FRMPD3: variants seen among roughly 807,000 people sequenced by gnomAD.
FRMPD3 encodes the protein FERM and PDZ domain containing 3.
A neutral mutation model predicts 97.9 loss-of-function variants in FRMPD3; 42 were observed. That is an observed-to-expected ratio of 0.43 (90% CI 0.34 to 0.55). FRMPD3 has a LOEUF of 0.55. Among genes scored for constraint, FRMPD3 ranks in the 20% least tolerant of loss-of-function variants. FRMPD3 has a pLI of 0.03. For synonymous variants in FRMPD3, 577 were observed against 581.1 expected (o/e 0.99, Z 0.10); for missense variants, 1,303 against 1,457.7 (o/e 0.89, Z 1.73).
At chrX:107,450,216 C>G (rs990281232) in intron 1 of FRMPD3, among the ~76,000 whole-genome samples, 1 of 111,180 alleles carries the variant, frequency 9.0e-6, no homozygotes, top group Middle Eastern at 4.7e-3. Flanking sequence ...CCCACTGCCC[C>G]GGCGAGTCTC....
rs1331765703 is a variant in FRMPD3, at chrX:107,600,488, C to T, written c.2449C>T (p.Arg817Trp). Residue 817 changes from arginine to tryptophan, a missense_variant, in exon 15 of 15, where the codon CGG becomes TGG. Coordinates refer to ENST00000683843, the MANE Select transcript of FRMPD3 (RefSeq NM_001388459.1). ...CCTTGCCCGCAAGGACCTGCCCTTCCGGATCCAGAGCTGTGCAGCCCAGGC... is the reference window on the plus strand; with the variant it reads ...CCTTGCCCGCAAGGACCTGCCCTTCTGGATCCAGAGCTGTGCAGCCCAGGC... ...SLLARKDLPF[R>W]IQSCAAQAVL... 7.4e-6 allele frequency: 9 copies of T among 1,208,845 alleles called. No homozygotes were observed. Among genetic ancestry groups the T allele is most frequent in the Admixed American group, 2.2e-5 (1 of 45,851 alleles).
At chrX:107,567,879 T>G (rs1922678128) in intron 12 of FRMPD3, among the ~76,000 whole-genome samples, 1 of 109,998 alleles carries the variant, frequency 9.1e-6, no homozygotes, top group Non-Finnish European at 1.9e-5. Flanking sequence ...AGTCCAGGAG[T>G]GAAGGGACAA....
intron 1 of FRMPD3, among the ~76,000 whole-genome samples, chrX:107,465,558 C>CA (rs1271905365): frequency 9.0e-6 from 1 of 111,635 alleles, no homozygotes; most frequent in East Asian, 2.8e-4. Context: ...ACAGCACACA[C>CA]AAAAAAAGTA....
At chrX:107,511,026 G>A (rs1373462259) in intron 1 of FRMPD3, among the ~76,000 whole-genome samples, 1 of 112,310 alleles carries the variant, frequency 8.9e-6, no homozygotes, top group Non-Finnish European at 1.9e-5. Flanking sequence ...TAGGCAAAGC[G>A]TTGAGATAGA....
At chrX:107,493,230 G>A (rs1025291024) in intron 1 of FRMPD3, among the ~76,000 whole-genome samples, 4 of 105,647 alleles carry the variant, frequency 3.8e-5, no homozygotes, top group African/African-American at 1.4e-4. Flanking sequence ...TTTAGAAATT[G>A]GGGAACTGAT....
intron 12 of FRMPD3, among the ~76,000 whole-genome samples, chrX:107,570,488 C>G (rs1922836990): frequency 9.0e-6 from 1 of 110,991 alleles, no homozygotes; most frequent in African/African-American, 3.3e-5. Flanking sequence ...TGCCCAGACT[C>G]TTCCTCCCAG....
intron 1 of FRMPD3, among the ~76,000 whole-genome samples, chrX:107,505,004 C>T (rs779599733): frequency 1.8e-5 from 2 of 112,378 alleles, no homozygotes; most frequent in African/African-American, 3.2e-5. Flanking sequence ...AACGGTATTT[C>T]ACAGAGCAGA....
intron 13 of FRMPD3, among the ~76,000 whole-genome samples, chrX:107,592,731 G>A (rs1923963416): frequency 1.0e-5 from 1 of 99,121 alleles, no homozygotes; most frequent in Non-Finnish European, 2.0e-5. Flanking sequence ...GTGTAAAAGT[G>A]TTCCTTTTCA....
At chrX:107,516,507 T>C (rs1922335321) in intron 1 of FRMPD3, among the ~76,000 whole-genome samples, 1 of 111,323 alleles carries the variant, frequency 9.0e-6, no homozygotes, top group Non-Finnish European at 1.9e-5. Flanking sequence ...GTAAAAGTGT[T>C]CCTATTTCTC....
At chrX:107,552,456 G>A (rs73249848) in intron 6 of FRMPD3, among the ~76,000 whole-genome samples, 11,551 of 111,956 alleles carry the variant, frequency 0.1, 695 homozygotes, top group Non-Finnish European at 0.16. Context: ...CTGGCACTTA[G>A]TAAGCATTTA....
rs748315274 is a variant in FRMPD3 at position 107,597,625 on chromosome X, A to C, written c.1746A>C (p.Ala582=). The change falls in exon 14 of 15, where the codon GCA becomes GCC. Residue 582 remains alanine (A), a synonymous_variant. Transcript: ENST00000683843. Reference sequence around the variant, plus strand: ...AGGTAGTCCCTGATGACTTTGATGCAGCTAGCCTAGACCACGAGCCTTGTG... The same window carrying C: ...AGGTAGTCCCTGATGACTTTGATGCCGCTAGCCTAGACCACGAGCCTTGTG... ...GYEVVPDDFD[A]ASLDHEPCAS... 5.8e-6 allele frequency: 7 copies of C among 1,209,152 alleles called. No individual in the cohort carries two copies. In the African/African-American group the frequency reaches 7.0e-5, roughly 12 times the overall value.
intron 13 of FRMPD3, 30 bp downstream of exon 13, chrX:107,576,489 G>T: frequency 3.3e-6 from 4 of 1,201,369 alleles, no homozygotes; most frequent in Non-Finnish European, 4.5e-6. Flanking sequence ...GGTTTTTGCT[G>T]TGCCAGAGGC....
chrX:107,570,415 T>C (rs768908581), intron 12 of FRMPD3, among the ~76,000 whole-genome samples: 1 of 109,155 alleles, frequency 9.2e-6, no homozygotes, highest in South Asian at 3.9e-4. Flanking sequence ...ATGGTTCATT[T>C]AAAGTAGTTC....
chrX:107,516,153 G>A (rs1370757900), intron 1 of FRMPD3, among the ~76,000 whole-genome samples: 2 of 107,672 alleles, frequency 1.9e-5, no homozygotes, highest in Admixed American at 1.0e-4. Context: ...GCGATAGTTT[G>A]CTGACAATGA....
intron 1 of FRMPD3, among the ~76,000 whole-genome samples, chrX:107,490,064 A>C (rs1432637141): frequency 8.9e-6 from 1 of 112,338 alleles, no homozygotes; most frequent in Non-Finnish European, 1.9e-5. Flanking sequence ...ATGGCCAGCC[A>C]GTTTTCCCAG....
At chrX:107,464,595 T>C (rs1931527146) in intron 1 of FRMPD3, among the ~76,000 whole-genome samples, 1 of 111,832 alleles carries the variant, frequency 8.9e-6, no homozygotes, top group Non-Finnish European at 1.9e-5. Flanking sequence ...TTTCCAGAAC[T>C]GAGCACAGTA....
chrX:107,554,483 T>C lies in FRMPD3; in HGVS notation c.741T>C (p.Ala247=), dbSNP rs770537970. 7.5e-6 allele frequency: 9 copies of C among 1,207,959 alleles called. No homozygotes were observed. In the African/African-American group the frequency reaches 1.0e-4, roughly 14 times the overall value. ...PVELLRRDPA[A]FEYLYIQSRN... is the part of the protein sequence containing the mutation. ...AGCTGCTGCGTCGGGATCCTGCTGCTTTTGAGTACCTATACATCCAGGTAG... is the reference window on the plus strand; with the variant it reads ...AGCTGCTGCGTCGGGATCCTGCTGCCTTTGAGTACCTATACATCCAGGTAG... The change falls in exon 8 of 15, where the codon GCT becomes GCC. Residue 247 remains alanine (A), a synonymous_variant. Coordinates refer to ENST00000683843, the MANE Select transcript of FRMPD3 (RefSeq NM_001388459.1).
At chrX:107,588,264 T>G (rs1923752255) in intron 13 of FRMPD3, among the ~76,000 whole-genome samples, 1 of 109,147 alleles carries the variant, frequency 9.2e-6, no homozygotes, top group African/African-American at 3.3e-5. Flanking sequence ...TCTTCTTTTT[T>G]TTTTTTTGAG....
At chrX:107,486,348 A>G (rs1921504000) in intron 1 of FRMPD3, among the ~76,000 whole-genome samples, 1 of 112,129 alleles carries the variant, frequency 8.9e-6, no homozygotes, top group Non-Finnish European at 1.9e-5. Flanking sequence ...ACCACAAAAT[A>G]TTTTCTCCAT....
Sources: allele counts gnomAD v4.1 joint callset (sites outside exome capture counted in the v4.1 genomes callset), GRCh38; gene constraint gnomAD v4.1.1; transcripts MANE v1.5; gene names NCBI Gene and HGNC (gene_info 2026-07-23, HGNC 2026-07-21).